CDK14: variants seen among roughly 807,000 people sequenced by gnomAD.
The protein encoded by CDK14 is cyclin dependent kinase 14.
A neutral mutation model predicts 60.7 loss-of-function variants in CDK14; 34 were observed. The ratio of observed to expected loss-of-function variants is 0.56; its 90% CI spans 0.43 to 0.75. The LOEUF is 0.75. Ranked by LOEUF, CDK14 falls within the 30% of genes least tolerant of loss-of-function variation. CDK14 has a pLI of 0.00. For missense variants in CDK14, 482 were observed against 564.1 expected, an observed-to-expected ratio of 0.85 and a Z score of 1.47; for synonymous variants, 197 against 203.7, an observed-to-expected ratio of 0.97 and a Z score of 0.28.
chr7:91,000,933 G>T (rs920736923), intron 10 of CDK14, among the ~76,000 whole-genome samples: 3 of 152,142 alleles, frequency 2.0e-5, no homozygotes, highest in African/African-American at 7.2e-5. Flanking sequence ...TAAAATTTAT[G>T]GGAGCAAGCT....
intron 9 of CDK14, among the ~76,000 whole-genome samples, chr7:90,963,654 A>G (rs1794668136): frequency 7.1e-6 from 1 of 140,290 alleles, no homozygotes; most frequent in South Asian, 2.3e-4. Context: ...TTATGTGCGT[A>G]TTGAGGGAGG....
At chr7:90,653,660 T>C (rs560827692) in intron 2 of CDK14, among the ~76,000 whole-genome samples, 2 of 152,312 alleles carry the variant, frequency 1.3e-5, no homozygotes, top group South Asian at 4.1e-4. Flanking sequence ...GCAGAAATTC[T>C]TTTATTTATT....
At chr7:90,840,765 G>C (rs1449076499) in intron 5 of CDK14, among the ~76,000 whole-genome samples, 4 of 152,162 alleles carry the variant, frequency 2.6e-5, no homozygotes, top group Non-Finnish European at 5.9e-5. Flanking sequence ...CAATCAGTAT[G>C]TTTTACCTTT....
chr7:91,149,490 C>T (rs1168282653), intron 14 of CDK14, among the ~76,000 whole-genome samples: 1 of 152,188 alleles, frequency 6.6e-6, no homozygotes, highest in Non-Finnish European at 1.5e-5. Flanking sequence ...TAAGCTCTCT[C>T]TCTGTTAACA....
At chr7:91,061,851 A>G (rs1273472073) in intron 11 of CDK14, among the ~76,000 whole-genome samples, 3 of 152,112 alleles carry the variant, frequency 2.0e-5, no homozygotes, top group Non-Finnish European at 4.4e-5. Flanking sequence ...GGGGTCAGGG[A>G]CCCACTTGAG....
At chr7:90,825,210 C>G (rs1789681230) in intron 5 of CDK14, among the ~76,000 whole-genome samples, 1 of 152,190 alleles carries the variant, frequency 6.6e-6, no homozygotes, top group South Asian at 2.1e-4. Context: ...GGAGACTATA[C>G]TCCCGTACTC....
chr7:91,069,224 C>T (rs1175869878), intron 11 of CDK14, among the ~76,000 whole-genome samples: 1 of 152,110 alleles, frequency 6.6e-6, no homozygotes, highest in African/African-American at 2.4e-5. Context: ...TTTATTTTCT[C>T]CTTTAAAAAC....
At chr7:91,147,729 T>A (rs1020846076) in intron 14 of CDK14, among the ~76,000 whole-genome samples, 1 of 152,102 alleles carries the variant, frequency 6.6e-6, no homozygotes, top group Non-Finnish European at 1.5e-5. Context: ...CAAACCAAAC[T>A]CTTTCCCCCC....
Position 90,663,471 on chromosome 7 carries a change from T to C in CDK14, c.123+59222T>C, listed in dbSNP as rs1443072132. Among the ~76,000 whole-genome samples, 7 of 152,302 alleles carry C rather than the reference T, an allele frequency of 4.6e-5. No homozygotes were observed. In the East Asian group the frequency reaches 1.3e-3, roughly 29 times the overall value. ...TGCATTCTCCAGTTCTTCCCCTCCT[T>C]CAGTGTGTTAGTTTATGCCTTTGAG... On this transcript the variant is annotated intron_variant, in intron 2 of 14. Transcript: ENST00000380050.
chr7:90,756,470 A>G (rs1403457351), intron 4 of CDK14, among the ~76,000 whole-genome samples: 1 of 152,228 alleles, frequency 6.6e-6, no homozygotes. Context: ...TCACTCTAGT[A>G]GGTATTAATT....
chr7:91,076,152 C>G (rs1798306505), intron 11 of CDK14, among the ~76,000 whole-genome samples: 2 of 145,060 alleles, frequency 1.4e-5, no homozygotes, highest in South Asian at 4.3e-4. Context: ...AAAAAAGAGC[C>G]TGTATAGCCA....
chr7:90,663,947 G>T (rs1490796563), intron 2 of CDK14, among the ~76,000 whole-genome samples: 2 of 150,392 alleles, frequency 1.3e-5, no homozygotes, highest in Admixed American at 6.6e-5. Context: ...TCATGTTTTT[G>T]CAATTAAACT....
intron 5 of CDK14, among the ~76,000 whole-genome samples, chr7:90,791,625 T>C (rs1805834308): frequency 6.6e-6 from 1 of 152,222 alleles, no homozygotes. Context: ...ATCTTGTTTC[T>C]ATTTCTACTC....
At chr7:90,951,465 CTTAG>C (rs1248330576) in intron 8 of CDK14, among the ~76,000 whole-genome samples, 1 of 152,122 alleles carries the variant, frequency 6.6e-6, no homozygotes, top group African/African-American at 2.4e-5. Context: ...ATTAATTTCA[CTTAG>C]TTAGAAAGGA....
chr7:91,126,695 G>A (rs1008062700), intron 14 of CDK14, among the ~76,000 whole-genome samples: 3 of 152,144 alleles, frequency 2.0e-5, no homozygotes, highest in African/African-American at 7.2e-5. Context: ...AGTAATTACA[G>A]AGCCAGGCAT....
intron 11 of CDK14, among the ~76,000 whole-genome samples, chr7:91,066,031 C>A (rs903829529): frequency 6.6e-6 from 1 of 152,086 alleles, no homozygotes; most frequent in Admixed American, 6.5e-5. Context: ...GATGAAGCGC[C>A]CTTCAGTGTG....
intron 14 of CDK14, among the ~76,000 whole-genome samples, chr7:91,198,507 G>A (rs1288699217): frequency 2.0e-5 from 3 of 152,146 alleles, no homozygotes; most frequent in African/African-American, 7.2e-5. Flanking sequence ...AAAGCATGTG[G>A]GATGCAGTAC....
intron 11 of CDK14, among the ~76,000 whole-genome samples, chr7:91,055,078 G>T (rs752602222): frequency 1.3e-5 from 2 of 152,024 alleles, no homozygotes; most frequent in African/African-American, 2.4e-5. Flanking sequence ...GGTCAAGAAG[G>T]GTCTATAAAA....
chr7:90,952,342 A>G (rs1794288498), intron 8 of CDK14, among the ~76,000 whole-genome samples: 1 of 152,154 alleles, frequency 6.6e-6, no homozygotes, highest in Non-Finnish European at 1.5e-5. Flanking sequence ...CATCTTATAG[A>G]GATGTGAGGA....
Sources: gnomAD v4.1 joint callset for allele counts (sites outside exome capture counted in the v4.1 genomes callset) on GRCh38, gnomAD v4.1.1 for gene constraint, MANE v1.5 for transcripts, NCBI Gene and HGNC (gene_info 2026-07-23, HGNC 2026-07-21) for gene names.